The following AKAP13 variants were observed in gnomAD, a reference collection of about 807,000 sequenced individuals.
The protein encoded by AKAP13 is A-kinase anchor protein 13.
In AKAP13, 80 loss-of-function variants were observed where a neutral mutation model predicts 264.5. The observed-to-expected ratio is 0.30, with a 90% CI of 0.25 to 0.36. AKAP13 has a LOEUF of 0.36. Ranked by LOEUF, AKAP13 falls within the 10% of genes least tolerant of loss-of-function variation. The pLI, the probability that AKAP13 is intolerant of heterozygous loss-of-function variation, is 1.00. For missense variants in AKAP13, 3,712 were observed against 3,435.2 expected (o/e 1.08, Z -2.01); for synonymous variants, 1,380 against 1,250.2 (o/e 1.10, Z -2.19).
intron 5 of AKAP13, among the ~76,000 whole-genome samples, chr15:85,563,994 G>A (rs2078511892): frequency 6.6e-6 from 1 of 152,146 alleles, no homozygotes; most frequent in African/African-American, 2.4e-5. Context: ...GGTATACCTT[G>A]AACAAATATG....
At chr15:85,504,501 TACAAAAAAAAAAA>T (rs1461270769) in intron 2 of AKAP13, among the ~76,000 whole-genome samples, 2 of 28,668 alleles carry the variant, frequency 7.0e-5, no homozygotes, top group African/African-American at 4.2e-4. Flanking sequence ...ACCCTGTCTT[TACAAAAAAAAAAA>T]AAAAAAAAAA....
In AKAP13 at chr15:85,579,047, C is replaced by G. The variant is rs1165353230; in HGVS notation, c.979C>G (p.Pro327Ala). 2 of 1,614,036 alleles carry G rather than the reference C, an allele frequency of 1.2e-6. No homozygotes were observed. The highest frequency in any genetic ancestry group is 1.7e-6 in the Non-Finnish European group (2 of 1,180,040). Residue 327 changes from proline (P) to alanine (A), a missense_variant, in exon 7 of 37, where the codon CCT (proline) becomes GCT (alanine). Physicochemically the swap from Pro to Ala is conservative, Grantham distance 27. This residue lies in a region of AKAP13 where 2,759 missense variants were observed against 2,411.7 expected (regional missense o/e 1.14). Transcript: ENST00000394518. ...TCCCTGTGCACCGGAGCCCACGGAC[C>G]CTCAGCGACTTTCTTCTTCTGAAGA... ...FLPCAPEPTD[P>A]QRLSSSEETE...
intron 5 of AKAP13, among the ~76,000 whole-genome samples, chr15:85,573,103 A>G (rs1161585235): frequency 2.0e-5 from 3 of 152,176 alleles, no homozygotes; most frequent in African/African-American, 2.4e-5. Flanking sequence ...AGTAGAAAAA[A>G]CTGGAGAGAC....
chr15:85,728,917 G>A (rs1297654110), intron 29 of AKAP13, among the ~76,000 whole-genome samples: 1 of 152,070 alleles, frequency 6.6e-6, no homozygotes, highest in African/African-American at 2.4e-5. Flanking sequence ...GAAGCCACTG[G>A]AAGTACAAAG....
At chr15:85,553,145 G>A (rs1056141717) in intron 5 of AKAP13, among the ~76,000 whole-genome samples, 2 of 134,056 alleles carry the variant, frequency 1.5e-5, no homozygotes, top group African/African-American at 5.7e-5. Context: ...GGAGTGCAAT[G>A]GCGCGATCTC....
intron 10 of AKAP13, among the ~76,000 whole-genome samples, chr15:85,654,542 A>G (rs1296649828): frequency 6.6e-6 from 1 of 152,192 alleles, no homozygotes; most frequent in East Asian, 1.9e-4. Context: ...GAAGAAAAAA[A>G]TGGGCTGGTC....
chr15:85,487,684 A>C (rs1200677355), intron 2 of AKAP13, among the ~76,000 whole-genome samples: 1 of 103,340 alleles, frequency 9.7e-6, no homozygotes, highest in African/African-American at 3.7e-5. Flanking sequence ...TCCCACCTCA[A>C]CCTCCTGAGT....
At chr15:85,398,704 T>C (rs947288938) in intron 1 of AKAP13, among the ~76,000 whole-genome samples, 10 of 152,070 alleles carry the variant, frequency 6.6e-5, no homozygotes, top group African/African-American at 2.4e-4. Flanking sequence ...TACAGGCACA[T>C]GCCACCACGC....
intron 23 of AKAP13, among the ~76,000 whole-genome samples, chr15:85,720,257 A>G (rs1184224324): frequency 1.9e-5 from 1 of 53,092 alleles, no homozygotes; most frequent in Non-Finnish European, 3.6e-5. Context: ...TTAAAAACAA[A>G]CTCTGTGTGT....
intron 1 of AKAP13, among the ~76,000 whole-genome samples, chr15:85,446,261 C>G (rs2073895256): frequency 6.6e-6 from 1 of 152,160 alleles, no homozygotes; most frequent in South Asian, 2.1e-4. Flanking sequence ...GCAAAGACAA[C>G]AGCAGGGAAT....
intron 1 of AKAP13, among the ~76,000 whole-genome samples, chr15:85,432,968 C>T (rs552365703): frequency 6.6e-6 from 1 of 151,828 alleles, no homozygotes; most frequent in Non-Finnish European, 1.5e-5. Context: ...AAATATACAC[C>T]CCATTACCTT....
At chr15:85,474,280 C>CA (rs1238667553) in intron 1 of AKAP13, among the ~76,000 whole-genome samples, 2 of 152,242 alleles carry the variant, frequency 1.3e-5, no homozygotes, top group African/African-American at 4.8e-5. Flanking sequence ...CCTTTCTTTC[C>CA]CTCTGCCCCA....
chr15:85,695,760 A>C (rs1425590371), intron 17 of AKAP13, among the ~76,000 whole-genome samples: 1 of 152,230 alleles, frequency 6.6e-6, no homozygotes, highest in East Asian at 1.9e-4. Flanking sequence ...GTGACTTACC[A>C]GACCATTGAG....
At chr15:85,395,962 G>A (rs2071088425) in intron 1 of AKAP13, among the ~76,000 whole-genome samples, 1 of 151,602 alleles carries the variant, frequency 6.6e-6, no homozygotes, top group Admixed American at 6.6e-5. Context: ...CATAATAGTT[G>A]CTTCTCAAGA....
At chr15:85,726,617 T>C in intron 27 of AKAP13, 131 bp downstream of exon 27, 1 of 718,924 alleles carries the variant, frequency 1.4e-6, no homozygotes, top group Non-Finnish European at 2.2e-6. Context: ...TCTGAGTAAT[T>C]TCCCACATGC....
rs386383662 is a variant in AKAP13, at chr15:85,592,046, CTTT to C, written c.4161+6242_4161+6244del. Reference sequence around the variant, plus strand: ...AAGCATTTAAAATCAGAACCATGATCTTTTTTTTTTTTTTTTTTTTTGGCAATT... The same window carrying C: ...AAGCATTTAAAATCAGAACCATGATCTTTTTTTTTTTTTTTTTTGGCAATT... On this transcript the variant is annotated intron_variant, in intron 8 of 36. Coordinates refer to ENST00000394518, the MANE Select transcript of AKAP13 (RefSeq NM_007200.5). 8.7e-3 allele frequency among the ~76,000 whole-genome samples: 915 copies of C among 105,276 alleles called. 7 individuals carry two copies. Among genetic ancestry groups the C allele is most frequent in the African/African-American group, 0.03 (829 of 27,712 alleles). The allele number at this position is 105,276 out of a possible 152,430, so 69.1% of individuals were successfully genotyped here.
At chr15:85,605,715 G>C (rs1291338147) in intron 8 of AKAP13, among the ~76,000 whole-genome samples, 1 of 152,126 alleles carries the variant, frequency 6.6e-6, no homozygotes, top group Non-Finnish European at 1.5e-5. Context: ...TATGTATTTA[G>C]ACATATCTCA....
chr15:85,418,198 C>T (rs1241308965), intron 1 of AKAP13, among the ~76,000 whole-genome samples: 1 of 151,908 alleles, frequency 6.6e-6, no homozygotes, highest in Non-Finnish European at 1.5e-5. Context: ...GCCTCAGCCT[C>T]CCGAGTAGCT....
At chr15:85,686,191 A>ATGCGTGTGTG (rs1555459328) in intron 16 of AKAP13, among the ~76,000 whole-genome samples, 1 of 151,354 alleles carries the variant, frequency 6.6e-6, no homozygotes, top group Non-Finnish European at 1.5e-5. Context: ...ACGTGCATGC[A>ATGCGTGTGTG]TGTGTGTGTG....
Sources: allele counts gnomAD v4.1 joint callset (sites outside exome capture counted in the v4.1 genomes callset), GRCh38; gene constraint gnomAD v4.1.1; regional missense constraint gnomAD v4.1.1; transcripts MANE v1.5; gene names NCBI Gene and HGNC (gene_info 2026-07-23, HGNC 2026-07-21).